The following FBXO47 variants were observed in gnomAD, a reference collection of about 807,000 sequenced individuals.
FBXO47 encodes the protein F-box protein 47, also known as F-box only protein 47.
FBXO47 carries 34 observed loss-of-function variants against 53.9 expected under a neutral mutation model. That is an observed-to-expected ratio of 0.63 (90% CI 0.48 to 0.84). The LOEUF (loss-of-function observed/expected upper bound fraction) is 0.84, where lower values mean the gene tolerates loss of function less well. Among genes scored for constraint, FBXO47 ranks in the 40% least tolerant of loss-of-function variants. The pLI, the probability that FBXO47 is intolerant of heterozygous loss-of-function variation, is 0.00. For synonymous variants in FBXO47, 165 were observed against 181.6 expected (o/e 0.91, Z 0.73); for missense variants, 485 against 541.3 (o/e 0.90, Z 1.03).
chr17:38,950,225 T>A (rs933536877), intron 6 of FBXO47, among the ~76,000 whole-genome samples: 1 of 151,986 alleles, frequency 6.6e-6, no homozygotes, highest in African/African-American at 2.4e-5. Flanking sequence ...TTTCTGTCTC[T>A]ATGAATTTGC....
At chr17:38,944,834 G>A (rs1456179758) in intron 7 of FBXO47, 126 bp downstream of exon 7, 1 of 720,646 alleles carries the variant, frequency 1.4e-6, no homozygotes, top group Non-Finnish European at 2.2e-6. Context: ...TCGCACCACT[G>A]TGTGCGTGCA....
chr17:38,948,914 C>T (rs1445522015), intron 6 of FBXO47, among the ~76,000 whole-genome samples: 4 of 151,920 alleles, frequency 2.6e-5, no homozygotes, highest in Non-Finnish European at 4.4e-5. Flanking sequence ...TGCCCCCATG[C>T]CCCCATCACC....
At chr17:38,962,408 G>C (rs1390715915) in intron 2 of FBXO47, among the ~76,000 whole-genome samples, 1 of 152,096 alleles carries the variant, frequency 6.6e-6, no homozygotes, top group Non-Finnish European at 1.5e-5. Context: ...CTGAGGTCAG[G>C]AGTTCGAGAC....
At chr17:38,941,413 G>A (rs1029660061) in intron 9 of FBXO47, among the ~76,000 whole-genome samples, 1 of 150,452 alleles carries the variant, frequency 6.6e-6, no homozygotes, top group Admixed American at 6.6e-5. Flanking sequence ...CAGGTGATCC[G>A]CCTGACTCAG....
At chr17:38,960,617 A>C (rs1383305390) in intron 3 of FBXO47, among the ~76,000 whole-genome samples, 1 of 151,792 alleles carries the variant, frequency 6.6e-6, no homozygotes, top group Non-Finnish European at 1.5e-5. Context: ...ATGAATTAAA[A>C]ATAATTCTTT....
chr17:38,963,498 A>G (rs1378786766), intron 1 of FBXO47, among the ~76,000 whole-genome samples: 1 of 152,080 alleles, frequency 6.6e-6, no homozygotes, highest in Non-Finnish European at 1.5e-5. Context: ...ATTACAGCTA[A>G]AATTTAAATA....
intron 3 of FBXO47, among the ~76,000 whole-genome samples, chr17:38,958,065 A>C (rs1905641772): frequency 6.6e-6 from 1 of 152,178 alleles, no homozygotes; most frequent in East Asian, 1.9e-4. Flanking sequence ...TCTTGACCTC[A>C]TGATCCGCCT....
At chr17:38,946,945 CATAT>C (rs1386063029) in intron 6 of FBXO47, among the ~76,000 whole-genome samples, 23 of 102,972 alleles carry the variant, frequency 2.2e-4, no homozygotes, top group Non-Finnish European at 3.8e-4. Context: ...TATATATAAA[CATAT>C]ATAAATATAT....
chr17:38,958,488 C>A lies in FBXO47; in HGVS notation c.353-1235G>T, dbSNP rs1195690569. ...CTTTAAAAAGAAAAAAAAAAAAACT[C>A]CTCAATTTCTCAGTGAGATGTGTAA... On this transcript the variant is annotated intron_variant, in intron 3 of 10. Coordinates refer to ENST00000378079, the MANE Select transcript of FBXO47 (RefSeq NM_001008777.3). Among the ~76,000 whole-genome samples the A allele has an allele frequency of 4.7e-5, 7 of 149,894 alleles. No individual in the cohort carries two copies. The East Asian group carries it at 7.8e-4, about 17-fold the overall frequency.
intron 6 of FBXO47, among the ~76,000 whole-genome samples, chr17:38,951,193 CTATT>C (rs1905262429): frequency 6.6e-6 from 1 of 150,940 alleles, no homozygotes; most frequent in South Asian, 2.1e-4. Flanking sequence ...ACCTGGCCCA[CTATT>C]TATTTTTTTA....
At chr17:38,942,751 G>A in intron 9 of FBXO47, 27 bp downstream of exon 9, 1 of 1,592,604 alleles carries the variant, frequency 6.3e-7, no homozygotes, top group Non-Finnish European at 8.5e-7. Flanking sequence ...TAAAAAACTT[G>A]CTAGAGAAAA....
At chr17:38,965,881 T>TAAA (rs1906089281) in intron 1 of FBXO47, among the ~76,000 whole-genome samples, 1 of 130,608 alleles carries the variant, frequency 7.7e-6, no homozygotes, top group African/African-American at 3.0e-5. Context: ...AGAATCTGCC[T>TAAA]CAAAAAAAAA....
At chr17:38,945,804 C>T (rs1011969281) in intron 6 of FBXO47, among the ~76,000 whole-genome samples, 8 of 150,648 alleles carry the variant, frequency 5.3e-5, no homozygotes, top group South Asian at 2.1e-4. Context: ...GGAGTGATGG[C>T]GGGCGCCTGT....
intron 2 of FBXO47, 86 bp from the exon 3 acceptor site, chr17:38,962,133 AAC>A: frequency 9.6e-7 from 1 of 1,046,768 alleles, no homozygotes; most frequent in Non-Finnish European, 1.4e-6. Flanking sequence ...CTTATAGGTT[AAC>A]TCAATCGTCA....
chr17:38,949,440 A>G (rs1044317689), intron 6 of FBXO47, among the ~76,000 whole-genome samples: 3 of 151,694 alleles, frequency 2.0e-5, no homozygotes, highest in African/African-American at 7.3e-5. Flanking sequence ...AAAACAAAAC[A>G]AAACAAAACA....
chr17:38,950,197 T>A (rs925072983), intron 6 of FBXO47, among the ~76,000 whole-genome samples: 1 of 151,904 alleles, frequency 6.6e-6, no homozygotes, highest in Non-Finnish European at 1.5e-5. Flanking sequence ...CCTCAGCTCC[T>A]GGTAACCTCA....
At chr17:38,957,892 G>A (rs1351485402) in intron 3 of FBXO47, among the ~76,000 whole-genome samples, 1 of 151,664 alleles carries the variant, frequency 6.6e-6, no homozygotes, top group Non-Finnish European at 1.5e-5. Flanking sequence ...GAAGTGCAGT[G>A]GCGTGATCTC....
chr17:38,960,007 A>G (rs940985241), intron 3 of FBXO47, among the ~76,000 whole-genome samples: 1 of 151,992 alleles, frequency 6.6e-6, no homozygotes. Flanking sequence ...GGATCTCCCT[A>G]TGTTACCCAG....
chr17:38,966,356 C>A (rs1357742661), intron 1 of FBXO47, among the ~76,000 whole-genome samples: 1 of 152,256 alleles, frequency 6.6e-6, no homozygotes, highest in South Asian at 2.1e-4. Context: ...TGCCCGCCCC[C>A]ACGCCCAGCT....
Sources: allele counts gnomAD v4.1 joint callset (sites outside exome capture counted in the v4.1 genomes callset), GRCh38; gene constraint gnomAD v4.1.1; transcripts MANE v1.5; gene names NCBI Gene and HGNC (gene_info 2026-07-23, HGNC 2026-07-21).